COL7A1: variants seen among roughly 807,000 people sequenced by gnomAD.
COL7A1 encodes the protein collagen alpha-1(VII) chain.
COL7A1 carries 296 observed loss-of-function variants against 456.2 expected under a neutral mutation model. The observed-to-expected ratio is 0.65, with a 90% CI of 0.59 to 0.71. The LOEUF (loss-of-function observed/expected upper bound fraction) is 0.71, where lower values mean the gene tolerates loss of function less well. Among genes scored for constraint, COL7A1 ranks in the 30% least tolerant of loss-of-function variants. The pLI is 0.00. For synonymous variants in COL7A1, 1,464 were observed against 1,525.9 expected (o/e 0.96, Z 0.95); for missense variants, 3,441 against 4,017.2 (o/e 0.86, Z 3.88).
Position 48,574,144 on chromosome 3 carries a change from G to C in COL7A1, c.6501+118C>G. ...GCACACACAAGCAGGCACACACAGA[G>C]AGGCACACAGACACAGGTACACACA... On this transcript the variant is annotated intron_variant, in intron 80 of 118. Transcript: ENST00000681320. This position sits in a 1 kb window ranked among gnomAD's most constrained non-coding sequence, Gnocchi z 5.0. The C allele has an allele frequency of 7.6e-7, 1 of 1,323,508 alleles. No homozygotes were observed. Among genetic ancestry groups the C allele is most frequent in the Non-Finnish European group, 1.1e-6 (1 of 927,578 alleles). The allele number at this position is 1,323,508 out of a possible 1,614,324, so 82.0% of individuals were successfully genotyped here. A position where few individuals can be genotyped will look rare whatever the true frequency, so the allele number is the denominator to read the frequency against.
rs777935673 is a variant in COL7A1, at chr3:48,565,096, C to T, written c.8620+13G>A. 2.6e-6 allele frequency: 4 copies of T among 1,510,986 alleles called. No individual in the cohort carries two copies. The highest frequency in any genetic ancestry group is 1.4e-5 in the African/African-American group (1 of 71,166). 93.6% of individuals were successfully genotyped at this position (1,510,986 alleles called of 1,614,324 possible). The stretch of plus-strand genomic sequence containing the variant: ...CCCCTCCCCAGACCCCGCTGGCAGC[C>T]CCCCATTCTCACCATCACTATCCCA... On this transcript the variant is annotated intron_variant, in intron 117 of 118. Coordinates refer to ENST00000681320, the MANE Select transcript of COL7A1 (RefSeq NM_000094.4). This position sits in a 1 kb window ranked among gnomAD's most constrained non-coding sequence, Gnocchi z 4.5.
chr3:48,582,322 C>A lies in COL7A1; in HGVS notation c.4635+1G>T, dbSNP rs774890570. The A allele has an allele frequency of 1.2e-6, 2 of 1,613,890 alleles. No individual in the cohort carries two copies. Among genetic ancestry groups the A allele is most frequent in the Non-Finnish European group, 1.7e-6 (2 of 1,179,992 alleles). ...CAGAGCGCCATCCTCCCGTCACTCA[C>A]CACCACTGCAGGGTCCCCAGGGCGA... is the stretch of plus-strand genomic sequence containing the variant. On this transcript the variant is annotated splice_donor_variant, in intron 47 of 118. Transcript: ENST00000681320. LOFTEE classifies it high-confidence loss of function.
Position 48,588,217 on chromosome 3 carries a change from C to A in COL7A1, c.2710+65G>T. ...GCCCACCATCACTGTCCTCGCCTAC[C>A]TTGCGGAGTCTGCCACAGCCCTGCC... On this transcript the variant is annotated intron_variant, in intron 21 of 118. Transcript: ENST00000681320. The surrounding 1 kb of genome is among the most constrained non-coding windows in gnomAD (Gnocchi z 4.6). 1 of 1,611,374 alleles carries A rather than the reference C, an allele frequency of 6.2e-7. No individual in the cohort carries two copies. Among genetic ancestry groups the A allele is most frequent in the Non-Finnish European group, 8.5e-7 (1 of 1,179,346 alleles).
Position 48,571,299 on chromosome 3 carries a change from G to A in COL7A1, c.7069-21C>T, listed in dbSNP as rs2043902648. On this transcript the variant is annotated intron_variant, in intron 92 of 118. Transcript: ENST00000681320. The surrounding 1 kb of genome is among the most constrained non-coding windows in gnomAD (Gnocchi z 4.6). Reference sequence around the variant, plus strand: ...TGACCCTAAGAAAACCCAGCAAACAGCATTTGAGAGGGTAGGAACATGAGC... The same window carrying A: ...TGACCCTAAGAAAACCCAGCAAACAACATTTGAGAGGGTAGGAACATGAGC... 6.2e-7 allele frequency: 1 copy of A among 1,614,082 alleles called. No homozygotes were observed. Among genetic ancestry groups the A allele is most frequent in the African/African-American group, 1.3e-5 (1 of 75,048 alleles).
In COL7A1 at chr3:48,588,239, T is replaced by G; in HGVS notation, c.2710+43A>C. Reference sequence around the variant, plus strand: ...TACCTTGCGGAGTCTGCCACAGCCCTGCCCCCAATGGTCCCTAACTTCCTC... The same window carrying G: ...TACCTTGCGGAGTCTGCCACAGCCCGGCCCCCAATGGTCCCTAACTTCCTC... On this transcript the variant is annotated intron_variant, in intron 21 of 118. Transcript: ENST00000681320. The surrounding 1 kb of genome is among the most constrained non-coding windows in gnomAD (Gnocchi z 4.6). 6.2e-7 allele frequency: 1 copy of G among 1,612,704 alleles called. No individual in the cohort carries two copies. The highest frequency in any genetic ancestry group is 8.5e-7 in the Non-Finnish European group (1 of 1,179,952).
rs202104980 is a variant in COL7A1 at position 48,566,537 on chromosome 3, T to C, written c.8331A>G (p.Arg2777=). 4 of 1,611,674 alleles carry C rather than the reference T, an allele frequency of 2.5e-6. No homozygotes were observed. Among genetic ancestry groups the C allele is most frequent in the Non-Finnish European group, 3.4e-6 (4 of 1,178,662 alleles). Residue 2777 remains arginine (R), a synonymous_variant, in exon 113 of 119, where the codon CGA becomes CGG. Transcript: ENST00000681320. The surrounding 1 kb of genome is among the most constrained non-coding windows in gnomAD (Gnocchi z 5.9). ...TCAGTGCAGCTTCTCCCTTCTCGCC[T>C]CGAGGACCGGCAGGCCCTGGCCGCC... is the stretch of plus-strand genomic sequence containing the variant. ...EQGRPGPAGP[R]GEKGEAALTE... is the part of the protein sequence containing the mutation.
At chr3:48,582,401 C>T (rs577629328) in intron 46 of COL7A1, 43 bp from the exon 47 acceptor site, 10 of 1,614,078 alleles carry the variant, frequency 6.2e-6, no homozygotes, top group African/African-American at 1.3e-5. Context: ...AGGGAGTCAC[C>T]TAGGAGCCCA....
chr3:48,584,381 G>A lies in COL7A1; in HGVS notation c.4120-6C>T, dbSNP rs1279482080. ...CCACGAGGTCCAGGGGGGCCCTGATGGAGGAGACAAAGTATAAGGTGCAAC... is the reference window on the plus strand; with the variant it reads ...CCACGAGGTCCAGGGGGGCCCTGATAGAGGAGACAAAGTATAAGGTGCAAC... On this transcript the variant is annotated splice_region_variant and splice_polypyrimidine_tract_variant and intron_variant, in intron 36 of 118. Transcript: ENST00000681320. 1.2e-6 allele frequency: 2 copies of A among 1,613,724 alleles called. No individual in the cohort carries two copies. Among genetic ancestry groups the A allele is most frequent in the South Asian group, 2.2e-5 (2 of 91,086 alleles).
Position 48,579,521 on chromosome 3 carries a change from G to GC in COL7A1, c.5236-7_5236-6insG. 6.2e-7 allele frequency: 1 copy of GC among 1,613,982 alleles called. No homozygotes were observed. Among genetic ancestry groups the GC allele is most frequent in the Non-Finnish European group, 8.5e-7 (1 of 1,180,028 alleles). On this transcript the variant is annotated splice_polypyrimidine_tract_variant and splice_region_variant and intron_variant, in intron 59 of 118. Coordinates refer to ENST00000681320, the MANE Select transcript of COL7A1 (RefSeq NM_000094.4). This position sits in a 1 kb window ranked among gnomAD's most constrained non-coding sequence, Gnocchi z 4.4. Reference sequence around the variant, plus strand: ...CCCCGAAACCCTTCAATGCCCTGAGGATAGGGGAGGAAGAAATCAGAGCAG... The same window carrying GC: ...CCCCGAAACCCTTCAATGCCCTGAGGCATAGGGGAGGAAGAAATCAGAGCAG...
chr3:48,584,830 T>C (rs1472314752), intron 34 of COL7A1, 61 bp from the exon 35 acceptor site: 2 of 1,613,704 alleles, frequency 1.2e-6, no homozygotes, highest in Non-Finnish European at 1.7e-6. Context: ...ACGTGGGCAC[T>C]GCACCACCAC....
In COL7A1 at chr3:48,565,179, A is replaced by C. The variant is rs1039134351; in HGVS notation, c.8550T>G (p.Asp2850Glu). The C allele has an allele frequency of 2.5e-6, 4 of 1,613,758 alleles. No homozygotes were observed. The African/African-American group carries it at 4.0e-5, about 16-fold the overall frequency. The change falls in exon 117 of 119, where the codon GAT (aspartate) becomes GAG (glutamate). Residue 2850 changes from aspartate to glutamate, a missense_variant. By Grantham distance (45) the Asp-to-Glu change is conservative. Coordinates refer to ENST00000681320, the MANE Select transcript of COL7A1 (RefSeq NM_000094.4). This position sits in a 1 kb window ranked among gnomAD's most constrained non-coding sequence, Gnocchi z 4.5. ...EEEERVPPEDDEYSEYSEYSV... is the reference protein window; with the variant it reads ...EEEERVPPEDEEYSEYSEYSV... ...AATACTCGGAGTATTCAGAGTACTC[A>C]TCATCCTCAGGGGGTACCCGCTCTG...
rs529108629 is a variant in COL7A1 at position 48,593,346 on chromosome 3, C to G, written c.520+10G>C. On this transcript the variant is annotated intron_variant, in intron 5 of 118. Transcript: ENST00000681320. This position sits in a 1 kb window ranked among gnomAD's most constrained non-coding sequence, Gnocchi z 4.4. Reference sequence around the variant, plus strand: ...CCCCAGCTGACCTGTCACTCCTGCTCGGTCCTTACCCACAGCAAATAGCTT... The same window carrying G: ...CCCCAGCTGACCTGTCACTCCTGCTGGGTCCTTACCCACAGCAAATAGCTT... 1 of 1,614,024 alleles carries G rather than the reference C, an allele frequency of 6.2e-7. No individual in the cohort carries two copies. The highest frequency in any genetic ancestry group is 1.3e-5 in the African/African-American group (1 of 75,032).
rs367590054 is a variant in COL7A1, at chr3:48,582,520, G to A, written c.4564-7C>T. On this transcript the variant is annotated splice_polypyrimidine_tract_variant and splice_region_variant and intron_variant, in intron 45 of 118. Coordinates refer to ENST00000681320, the MANE Select transcript of COL7A1 (RefSeq NM_000094.4). ...CAGTGGGTCCTGGTGGCCCCTGAATGTAGAGAAAGTGTGAGCCCAGGAGGG... is the reference window on the plus strand; with the variant it reads ...CAGTGGGTCCTGGTGGCCCCTGAATATAGAGAAAGTGTGAGCCCAGGAGGG... 5 of 1,613,938 alleles carry A rather than the reference G, an allele frequency of 3.1e-6. No homozygotes were observed. In the African/African-American group the frequency reaches 5.3e-5, roughly 17 times the overall value.
Position 48,564,647 on chromosome 3 carries a change from G to A in COL7A1, c.8818+136C>T. The A allele has an allele frequency of 2.6e-6, 3 of 1,133,012 alleles. No individual in the cohort carries two copies. Among genetic ancestry groups the A allele is most frequent in the South Asian group, 1.5e-5 (1 of 66,466 alleles). The allele number at this position is 1,133,012 out of a possible 1,614,324, so 70.2% of individuals were successfully genotyped here. The stretch of plus-strand genomic sequence containing the variant: ...ATTCAGCTCTTTGGTCTGGGCGTCT[G>A]CCCCAGGTCCCCTACTGCGAGGGAG... On this transcript the variant is annotated intron_variant, in intron 118 of 118. Coordinates refer to ENST00000681320, the MANE Select transcript of COL7A1 (RefSeq NM_000094.4). This position sits in a 1 kb window ranked among gnomAD's most constrained non-coding sequence, Gnocchi z 6.0.
At position 48,565,687 on chromosome 3, in the gene COL7A1, G is replaced by A. The variant is rs1356539908; in HGVS notation, c.8408-19C>T. ...TGGCAGGCTAGAGGGGGCAGAGAGG[G>A]ATAGAGAGACAATGACAGAGAGAAG... On this transcript the variant is annotated intron_variant, in intron 114 of 118. Coordinates refer to ENST00000681320, the MANE Select transcript of COL7A1 (RefSeq NM_000094.4). This position sits in a 1 kb window ranked among gnomAD's most constrained non-coding sequence, Gnocchi z 4.5. 3.1e-6 allele frequency: 5 copies of A among 1,608,832 alleles called. No homozygotes were observed. The highest frequency in any genetic ancestry group is 3.4e-6 in the Non-Finnish European group (4 of 1,177,182).
chr3:48,583,844 C>T lies in COL7A1; in HGVS notation c.4278+56G>A. The T allele has an allele frequency of 6.2e-7, 1 of 1,613,586 alleles. No individual in the cohort carries two copies. The highest frequency in any genetic ancestry group is 8.5e-7 in the Non-Finnish European group (1 of 1,179,712). ...GAAGCCCAGCACCCAACCACTGCCC[C>T]AGGAGAGACCCACACCCCTGAGCAG... On this transcript the variant is annotated intron_variant, in intron 39 of 118. Transcript: ENST00000681320. The surrounding 1 kb of genome is among the most constrained non-coding windows in gnomAD (Gnocchi z 5.1).
At position 48,569,636 on chromosome 3, in the gene COL7A1, C is replaced by T. The variant is rs756660959; in HGVS notation, c.7570G>A (p.Val2524Met). Residue 2524 changes from valine to methionine, a missense_variant, in exon 102 of 119, where the codon GTG becomes ATG. Physicochemically the swap from Val to Met is conservative, Grantham distance 21. Coordinates refer to ENST00000681320, the MANE Select transcript of COL7A1 (RefSeq NM_000094.4). The surrounding 1 kb of genome is among the most constrained non-coding windows in gnomAD (Gnocchi z 4.9). Reference sequence around the variant, plus strand: ...CGTGGGCCTGGAGGCCCCAGGATCACAGCTGAGTCTCCCTGAGGGGGCAGG... The same window carrying T: ...CGTGGGCCTGGAGGCCCCAGGATCATAGCTGAGTCTCCCTGAGGGGGCAGG... ...GLKGDKGDSA[V>M]ILGPPGPRGA... 1 of 1,613,936 alleles carries T rather than the reference C, an allele frequency of 6.2e-7. No homozygotes were observed. Among genetic ancestry groups the T allele is most frequent in the South Asian group, 1.1e-5 (1 of 91,090 alleles).
chr3:48,567,605 G>C lies in COL7A1; in HGVS notation c.8015C>G (p.Ala2672Gly). ...ACCGATCAGGCCCTCCTTGCCAGGG[G>C]CCCCCGACTGGCCCGGCACACCAGG... ...GEPGVPGQSG[A>G]PGKEGLIGPK... The change falls in exon 109 of 119, where the codon GCC becomes GGC. Residue 2672 changes from alanine (A) to glycine (G), a missense_variant. Physicochemically the swap from Ala to Gly is moderately conservative, Grantham distance 60. This residue lies in a region of COL7A1 where 2,084 missense variants were observed against 2,501.3 expected (regional missense o/e 0.83). Coordinates refer to ENST00000681320, the MANE Select transcript of COL7A1 (RefSeq NM_000094.4). This position sits in a 1 kb window ranked among gnomAD's most constrained non-coding sequence, Gnocchi z 4.3. 1.2e-6 allele frequency: 2 copies of C among 1,614,072 alleles called. No individual in the cohort carries two copies. The highest frequency in any genetic ancestry group is 1.7e-6 in the Non-Finnish European group (2 of 1,180,000).
chr3:48,575,211 T>C lies in COL7A1; in HGVS notation c.6212A>G (p.Glu2071Gly), dbSNP rs1467128523. 2 of 1,613,944 alleles carry C rather than the reference T, an allele frequency of 1.2e-6. No homozygotes were observed. The highest frequency in any genetic ancestry group is 1.7e-5 in the Admixed American group (1 of 60,032). The change falls in exon 75 of 119, where the codon GAA (glutamate) becomes GGA (glycine). Residue 2071 changes from glutamate (E) to glycine (G), a missense_variant. Glu to Gly is a moderately conservative substitution (Grantham distance 98). Coordinates refer to ENST00000681320, the MANE Select transcript of COL7A1 (RefSeq NM_000094.4). The surrounding 1 kb of genome is among the most constrained non-coding windows in gnomAD (Gnocchi z 6.3). ...ACGAAGCCCATCGCAGCCCACCTGTTCTCCACGTTCTCCTTTCTCTCCCCG... is the reference window on the plus strand; with the variant it reads ...ACGAAGCCCATCGCAGCCCACCTGTCCTCCACGTTCTCCTTTCTCTCCCCG... ...GERGEKGERG[E>G]QGRDGPPGLP...
Sources: allele counts gnomAD v4.1 joint callset, GRCh38; gene constraint gnomAD v4.1.1; regional missense constraint gnomAD v4.1.1; non-coding constraint Gnocchi (gnomAD v3.1); transcripts MANE v1.5; gene names NCBI Gene and HGNC (gene_info 2026-07-23, HGNC 2026-07-21).